Variants in FAM24B observed in about 807,000 individuals in gnomAD.
The protein encoded by FAM24B is family with sequence similarity 24 member B.
FAM24B carries 3 observed loss-of-function variants against 2.3 expected under a neutral mutation model. The ratio of observed to expected loss-of-function variants is 1.29; its 90% confidence interval spans 0.59 to 3.32. The LOEUF is 3.32. Ranked by LOEUF, FAM24B falls within the 30% of genes most tolerant of loss-of-function variation. The probability of loss-of-function intolerance (pLI) is 0.03; values close to 1 mark genes in which losing one functional copy is unlikely to be tolerated. For synonymous variants in FAM24B, 36 were observed against 46.3 expected (o/e 0.78, Z 0.90); for missense variants, 98 against 117.2 (o/e 0.84, Z 0.76).
intron 1 of FAM24B, among the ~76,000 whole-genome samples, chr10:122,860,393 G>A (rs1214558979): frequency 3.3e-5 from 5 of 152,288 alleles, no homozygotes; most frequent in African/African-American, 1.2e-4. Flanking sequence ...TTGTTTGACT[G>A]GACCACAGTT....
chr10:122,852,402 TG>T (rs1444007335), intron 2 of FAM24B, among the ~76,000 whole-genome samples: 2 of 152,120 alleles, frequency 1.3e-5, no homozygotes, highest in African/African-American at 2.4e-5. Context: ...GGCCCAATTT[TG>T]TTTTGTTTTG....
chr10:122,876,399 G>A (rs1027824886), intron 1 of FAM24B, among the ~76,000 whole-genome samples: 3 of 152,180 alleles, frequency 2.0e-5, no homozygotes, highest in African/African-American at 7.2e-5. Context: ...GAAATGCTGA[G>A]GGCAGTTTTC....
Position 122,850,550 on chromosome 10 carries a change from C to T in FAM24B, c.-35G>A. The T allele has an allele frequency of 1.3e-6, 2 of 1,498,750 alleles. No homozygotes were observed. Among genetic ancestry groups the T allele is most frequent in the Non-Finnish European group, 1.9e-6 (2 of 1,074,488 alleles). The allele number at this position is 1,498,750 out of a possible 1,614,324, so 92.8% of individuals were successfully genotyped here. The stretch of plus-strand genomic sequence containing the variant: ...ATGGAGGTCAAAAGACTTCGATGTA[C>T]CTAGGCAGATAAGTGCAAGCAAGCA... On this transcript the variant is annotated splice_region_variant and 5_prime_UTR_variant, in exon 3 of 4. Transcript: ENST00000368898.
At chr10:122,879,434 A>C (rs1327413509) in intron 1 of FAM24B, 51 bp downstream of exon 1, 1 of 152,302 alleles carries the variant, frequency 6.6e-6, no homozygotes, top group Non-Finnish European at 1.5e-5. Context: ...GGAAAGAACG[A>C]GGTCAGGAGT....
intron 1 of FAM24B, among the ~76,000 whole-genome samples, chr10:122,877,362 G>A (rs1316437999): frequency 2.0e-5 from 3 of 152,020 alleles, no homozygotes; most frequent in African/African-American, 4.8e-5. Flanking sequence ...GGTGGAGGTC[G>A]CTAGGCTTGC....
intron 1 of FAM24B, among the ~76,000 whole-genome samples, chr10:122,862,795 C>T (rs1847746046): frequency 6.6e-6 from 1 of 152,112 alleles, no homozygotes; most frequent in Non-Finnish European, 1.5e-5. Flanking sequence ...TACACAAAGA[C>T]ATCATAACTA....
chr10:122,858,452 A>G (rs1847673534), intron 1 of FAM24B, among the ~76,000 whole-genome samples: 1 of 151,934 alleles, frequency 6.6e-6, no homozygotes, highest in African/African-American at 2.4e-5. Context: ...TACCTAATGT[A>G]AATGACGAGT....
chr10:122,869,161 C>A (rs1404635566), intron 1 of FAM24B, among the ~76,000 whole-genome samples: 1 of 151,926 alleles, frequency 6.6e-6, no homozygotes, highest in African/African-American at 2.4e-5. Context: ...AGACTTTAAA[C>A]CAACAAAGAT....
At chr10:122,855,942 A>G (rs1411560287) in intron 1 of FAM24B, among the ~76,000 whole-genome samples, 156 bp from the exon 2 acceptor site, 1 of 152,264 alleles carries the variant, frequency 6.6e-6, no homozygotes, top group African/African-American at 2.4e-5. Context: ...TCAATTATTT[A>G]AAGTGACAAC....
In FAM24B at chr10:122,871,468, C is replaced by T. The variant is rs560324220; in HGVS notation, c.-178+8017G>A. 6.3e-3 allele frequency among the ~76,000 whole-genome samples: 954 copies of T among 151,678 alleles called. 7 individuals are homozygous for T. The highest frequency in any genetic ancestry group is 0.016 in the African/African-American group (643 of 41,394). On this transcript the variant is annotated intron_variant, in intron 1 of 3. Transcript: ENST00000368898. The stretch of plus-strand genomic sequence containing the variant: ...GTTCATATGGAACCAAAAAAGAGCC[C>T]GCATCGCCAAGTCAATCCTAAGCCA...
rs1847606492 is a variant in FAM24B, at chr10:122,854,683, A to G, written c.-36+962T>C. On this transcript the variant is annotated intron_variant, in intron 2 of 3. Coordinates refer to ENST00000368898, the MANE Select transcript of FAM24B (RefSeq NM_152644.3). ...TAAGAGTATTGAGAGGGATGGGGCC[A>G]TGTGTTCCAGATGGCAAAAGGTAGG... Among the ~76,000 whole-genome samples, 8 of 152,334 alleles carry G rather than the reference A, an allele frequency of 5.3e-5. No homozygotes were observed. The South Asian group carries it at 1.7e-3, about 32-fold the overall frequency.
intron 1 of FAM24B, among the ~76,000 whole-genome samples, chr10:122,857,064 C>A (rs1012226179): frequency 6.6e-6 from 1 of 152,206 alleles, no homozygotes; most frequent in Non-Finnish European, 1.5e-5. Context: ...TCAGCTCCTA[C>A]AGGCCACCCA....
intron 1 of FAM24B, among the ~76,000 whole-genome samples, chr10:122,872,994 C>A (rs898659147): frequency 6.6e-6 from 1 of 152,004 alleles, no homozygotes; most frequent in Non-Finnish European, 1.5e-5. Flanking sequence ...GAGGTCAGTT[C>A]ATGAGGTTTA....
intron 2 of FAM24B, among the ~76,000 whole-genome samples, chr10:122,853,538 C>T (rs932932939): frequency 1.1e-4 from 16 of 152,266 alleles, no homozygotes; most frequent in Middle Eastern, 6.8e-3. Flanking sequence ...CTCTCCCTCC[C>T]GTGTTAATTG....
chr10:122,876,809 G>A (rs1478445987), intron 1 of FAM24B, among the ~76,000 whole-genome samples: 1 of 152,200 alleles, frequency 6.6e-6, no homozygotes, highest in African/African-American at 2.4e-5. Context: ...TGACTTCTAA[G>A]TGGTTTACGT....
chr10:122,865,308 T>C (rs1213516983), intron 1 of FAM24B, among the ~76,000 whole-genome samples: 1 of 152,062 alleles, frequency 6.6e-6, no homozygotes, highest in Non-Finnish European at 1.5e-5. Context: ...GTTTGCTGAA[T>C]TTTTTTTATG....
At chr10:122,855,443 C>A (rs1184331879) in intron 2 of FAM24B, 1 of 152,208 alleles carries the variant, frequency 6.6e-6, no homozygotes, top group Non-Finnish European at 1.5e-5. Context: ...GTGATCCATG[C>A]AGATCCCCCG....
At chr10:122,859,577 T>C (rs2133830632) in intron 1 of FAM24B, among the ~76,000 whole-genome samples, 1 of 152,308 alleles carries the variant, frequency 6.6e-6, no homozygotes, top group Non-Finnish European at 1.5e-5. Flanking sequence ...GGTGCAAGGT[T>C]GCCAGGGTGC....
upstream of FAM24B, chr10:122,879,609 G>A (rs1021581144): frequency 2.0e-5 from 3 of 153,010 alleles, no homozygotes; most frequent in African/African-American, 4.8e-5. Flanking sequence ...GGTCTCCAAA[G>A]GCTGAGCGAG....
Sources: allele counts gnomAD v4.1 joint callset (sites outside exome capture counted in the v4.1 genomes callset), GRCh38; gene constraint gnomAD v4.1.1; transcripts MANE v1.5; gene names NCBI Gene and HGNC (gene_info 2026-07-23, HGNC 2026-07-21).